GLDC: variants seen among roughly 807,000 people sequenced by gnomAD.
GLDC encodes glycine dehydrogenase (decarboxylating), mitochondrial.
A neutral mutation model predicts 121.3 loss-of-function variants in GLDC; 104 were observed. The ratio of observed to expected loss-of-function variants is 0.86; its 90% confidence interval spans 0.73 to 1.01. GLDC has a LOEUF of 1.01. Ranked by LOEUF, GLDC falls within the 50% of genes least tolerant of loss-of-function variation. GLDC has a pLI of 0.00. For synonymous variants in GLDC, 546 were observed against 480.6 expected, an observed-to-expected ratio of 1.14 and a Z score of -1.78; for missense variants, 1,429 against 1,306.6, an observed-to-expected ratio of 1.09 and a Z score of -1.44.
At chr9:6,535,276 A>T (rs1055645684) in intron 23 of GLDC, among the ~76,000 whole-genome samples, 3 of 152,006 alleles carry the variant, frequency 2.0e-5, no homozygotes, top group African/African-American at 7.2e-5. Context: ...ATTGCCATTT[A>T]AAAAAATAGC....
chr9:6,641,320 C>T (rs182996452), intron 2 of GLDC, among the ~76,000 whole-genome samples: 1 of 152,334 alleles, frequency 6.6e-6, no homozygotes, highest in Non-Finnish European at 1.5e-5. Context: ...AGTGTTCCCA[C>T]GTCTGTGCTG....
At chr9:6,611,947 G>A (rs1007578261) in intron 3 of GLDC, among the ~76,000 whole-genome samples, 9 of 152,058 alleles carry the variant, frequency 5.9e-5, no homozygotes, top group African/African-American at 1.4e-4. Context: ...CTGTCTTCAC[G>A]GTGTCAAGCC....
intron 3 of GLDC, among the ~76,000 whole-genome samples, chr9:6,619,872 C>T (rs1819047862): frequency 6.6e-6 from 1 of 152,192 alleles, no homozygotes; most frequent in East Asian, 1.9e-4. Flanking sequence ...ATCTGCCCAC[C>T]TGCAGGTTTC....
At chr9:6,645,217 C>A (rs775387348) in intron 1 of GLDC, 28 bp downstream of exon 1, 1 of 1,557,008 alleles carries the variant, frequency 6.4e-7, no homozygotes, top group Non-Finnish European at 8.7e-7. Flanking sequence ...GGAGGGGAGG[C>A]CGCGGAGGGC....
intron 3 of GLDC, among the ~76,000 whole-genome samples, chr9:6,619,210 G>C (rs1174575794): frequency 1.3e-5 from 2 of 148,958 alleles, no homozygotes; most frequent in Non-Finnish European, 3.0e-5. Flanking sequence ...AACTGTTGAG[G>C]TAAGACTGGA....
At chr9:6,608,021 G>A (rs1818770837) in intron 4 of GLDC, among the ~76,000 whole-genome samples, 1 of 152,016 alleles carries the variant, frequency 6.6e-6, no homozygotes, top group African/African-American at 2.4e-5. Context: ...TGCTTGGGGG[G>A]ATGAGGCAAG....
intron 9 of GLDC, among the ~76,000 whole-genome samples, chr9:6,593,691 CTTTTT>C (rs201795236): frequency 7.5e-6 from 1 of 133,188 alleles, no homozygotes; most frequent in Admixed American, 7.6e-5. Flanking sequence ...GATTTAATCA[CTTTTT>C]TTTTTTTTTT....
chr9:6,629,957 A>ATATATATATTTTTTT lies in GLDC; in HGVS notation c.335-9639_335-9638insAAAAAAATATATATA. 1.1e-4 allele frequency among the ~76,000 whole-genome samples: 9 copies of ATATATATATTTTTTT among 83,064 alleles called. No homozygotes were observed. In the East Asian group the frequency reaches 2.8e-3, roughly 26 times the overall value. The allele number at this position is 83,064 out of a possible 152,430, so 54.5% of individuals were successfully genotyped here. A position where few individuals can be genotyped will look rare whatever the true frequency, so the allele number is the denominator to read the frequency against. On this transcript the variant is annotated intron_variant, in intron 2 of 24. Coordinates refer to ENST00000321612, the MANE Select transcript of GLDC (RefSeq NM_000170.3). ...TATATATATATATGTATATATATATATTTTTTTTTTTTAAGAGAGACAAGG... is the reference window on the plus strand; with the variant it reads ...TATATATATATATGTATATATATATATATATATATTTTTTTTTTTTTTTTTTTAAGAGAGACAAGG...
At chr9:6,555,310 T>C (rs1446365334) in intron 18 of GLDC, among the ~76,000 whole-genome samples, 1 of 152,170 alleles carries the variant, frequency 6.6e-6, no homozygotes, top group Non-Finnish European at 1.5e-5. Flanking sequence ...ATGACCCAGA[T>C]ACCAGGCATG....
chr9:6,534,659 A>G (rs1817079902), intron 24 of GLDC, 49 bp downstream of exon 24: 1 of 928,254 alleles, frequency 1.1e-6, no homozygotes, highest in South Asian at 1.3e-5. Context: ...TCAGGATAGG[A>G]GCTGGCCCAT....
At chr9:6,589,795 A>G (rs896468777) in intron 11 of GLDC, among the ~76,000 whole-genome samples, 1 of 151,724 alleles carries the variant, frequency 6.6e-6, no homozygotes, top group African/African-American at 2.4e-5. Flanking sequence ...GGTGGCTCAC[A>G]CCTGTAATCC....
chr9:6,538,597 T>A (rs1006131170), intron 22 of GLDC, among the ~76,000 whole-genome samples: 8 of 152,228 alleles, frequency 5.3e-5, no homozygotes, highest in Admixed American at 2.6e-4. Flanking sequence ...TGGACAATTC[T>A]GGGCTTTTGG....
At chr9:6,640,032 C>T (rs1284121965) in intron 2 of GLDC, among the ~76,000 whole-genome samples, 1 of 152,318 alleles carries the variant, frequency 6.6e-6, no homozygotes, top group South Asian at 2.1e-4. Context: ...ACATCAGTTG[C>T]CCGACTTCTA....
intron 2 of GLDC, among the ~76,000 whole-genome samples, chr9:6,624,994 A>G (rs978183749): frequency 2.0e-5 from 3 of 151,998 alleles, no homozygotes; most frequent in Non-Finnish European, 2.9e-5. Context: ...TCTCCAGAAA[A>G]AAAAAAAAGG....
intron 17 of GLDC, among the ~76,000 whole-genome samples, chr9:6,556,663 G>A (rs1450071060): frequency 6.6e-6 from 1 of 151,984 alleles, no homozygotes; most frequent in Admixed American, 6.6e-5. Flanking sequence ...CATGGTGGCA[G>A]GTGCCTGTAA....
At chr9:6,616,662 A>T (rs894857632) in intron 3 of GLDC, among the ~76,000 whole-genome samples, 1 of 152,236 alleles carries the variant, frequency 6.6e-6, no homozygotes, top group Admixed American at 6.5e-5. Context: ...TATAATGTCT[A>T]TGTTCCAAAT....
chr9:6,550,995 G>A, intron 20 of GLDC, 81 bp from the exon 21 acceptor site: 1 of 886,142 alleles, frequency 1.1e-6, no homozygotes, highest in Non-Finnish European at 1.9e-6. Flanking sequence ...GACACCCCCA[G>A]ATAAACTCCA....
Position 6,610,239 on chromosome 9 carries a change from C to T in GLDC, c.588G>A (p.Leu196=), listed in dbSNP as rs1324658907. ...CTGCGGCTGCAGTCCCCTCATCCAG[C>T]AGGGATGCATTGGCCATGTCCAGGC... The part of the protein sequence containing the change: ...ITGLDMANAS[L]LDEGTAAAEA... The change falls in exon 4 of 25, where the codon CTG becomes CTA. Residue 196 remains leucine (L), a synonymous_variant. Coordinates refer to ENST00000321612, the MANE Select transcript of GLDC (RefSeq NM_000170.3). 1.5e-5 allele frequency: 25 copies of T among 1,613,770 alleles called. No individual in the cohort carries two copies. The highest frequency in any genetic ancestry group is 2.0e-5 in the Non-Finnish European group (24 of 1,179,910).
At chr9:6,610,670 G>C (rs553688093) in intron 3 of GLDC, among the ~76,000 whole-genome samples, 5 of 152,092 alleles carry the variant, frequency 3.3e-5, no homozygotes, top group African/African-American at 1.2e-4. Flanking sequence ...GCATGATCAC[G>C]ACTCACTGAG....
Sources: gnomAD v4.1 joint callset for allele counts (sites outside exome capture counted in the v4.1 genomes callset) on GRCh38, gnomAD v4.1.1 for gene constraint, MANE v1.5 for transcripts, NCBI Gene and HGNC (gene_info 2026-07-23, HGNC 2026-07-21) for gene names.